The following MGMT variants were observed in gnomAD, a reference collection of about 807,000 sequenced individuals.
MGMT encodes O-6-methylguanine-DNA methyltransferase, also known as methylated-DNA--protein-cysteine methyltransferase.
In MGMT, 14 loss-of-function variants were observed where a neutral mutation model predicts 15.9. The ratio of observed to expected loss-of-function variants is 0.88; its 90% CI spans 0.58 to 1.37. The LOEUF (loss-of-function observed/expected upper bound fraction) is 1.37, where lower values mean the gene tolerates loss of function less well. MGMT is among the 40% of genes most tolerant of loss of function. MGMT has a pLI of 0.00. For missense variants in MGMT, 282 were observed against 268.1 expected (o/e 1.05, Z -0.36); for synonymous variants, 130 against 118.2 (o/e 1.10, Z -0.65).
At chr10:129,509,770 T>G (rs1845662095) in intron 1 of MGMT, among the ~76,000 whole-genome samples, 2 of 152,272 alleles carry the variant, frequency 1.3e-5, no homozygotes, top group South Asian at 4.1e-4. Flanking sequence ...TATGTAATTT[T>G]GTTTTTAATC....
At chr10:129,563,219 T>A (rs1284153273) in intron 2 of MGMT, among the ~76,000 whole-genome samples, 1 of 152,104 alleles carries the variant, frequency 6.6e-6, no homozygotes. Flanking sequence ...GAGGCACATC[T>A]CTGTTTGAGT....
chr10:129,513,907 A>G (rs1443097920), intron 1 of MGMT, among the ~76,000 whole-genome samples: 1 of 152,226 alleles, frequency 6.6e-6, no homozygotes, highest in Non-Finnish European at 1.5e-5. Context: ...TCTTTTCTCT[A>G]AAAAACGTTT....
intron 2 of MGMT, chr10:129,694,171 C>A (rs1177183219): frequency 6.6e-6 from 1 of 152,272 alleles, no homozygotes; most frequent in East Asian, 1.9e-4. Context: ...GCGGGAGGCT[C>A]CCTGTCTTTC....
At chr10:129,623,084 C>T (rs1450449888) in intron 2 of MGMT, among the ~76,000 whole-genome samples, 1 of 152,252 alleles carries the variant, frequency 6.6e-6, no homozygotes. Flanking sequence ...TCCTTCACTA[C>T]TCCTTAGTGG....
chr10:129,644,204 G>C (rs1376346159), intron 2 of MGMT, among the ~76,000 whole-genome samples: 1 of 152,276 alleles, frequency 6.6e-6, no homozygotes, highest in Middle Eastern at 3.4e-3. Context: ...AGCCAGGTCT[G>C]TCTTACTCCC....
At chr10:129,518,973 T>C (rs563909517) in intron 1 of MGMT, among the ~76,000 whole-genome samples, 4 of 139,578 alleles carry the variant, frequency 2.9e-5, no homozygotes, top group Admixed American at 2.8e-4. Flanking sequence ...CTGTCCTGAC[T>C]CTTGGGCCTG....
intron 2 of MGMT, among the ~76,000 whole-genome samples, chr10:129,596,438 G>C (rs758031324): frequency 2.7e-4 from 41 of 152,184 alleles, no homozygotes; most frequent in Non-Finnish European, 5.0e-4. Flanking sequence ...GAATTTATCT[G>C]TTCAGACCCA....
intron 1 of MGMT, among the ~76,000 whole-genome samples, chr10:129,506,123 G>A (rs1287369108): frequency 6.6e-6 from 1 of 151,950 alleles, no homozygotes; most frequent in Non-Finnish European, 1.5e-5. Flanking sequence ...TACAACTGAG[G>A]GGGTGCTGCC....
At chr10:129,573,264 A>C (rs1053516578) in intron 2 of MGMT, among the ~76,000 whole-genome samples, 8 of 152,314 alleles carry the variant, frequency 5.3e-5, no homozygotes, top group African/African-American at 1.9e-4. Flanking sequence ...TTTCAGAATA[A>C]GAAATTCAAC....
In MGMT at chr10:129,667,356, C is replaced by A. The variant is rs142505756; in HGVS notation, c.126-40539C>A. ...TTGTTTTGCTTGTACTTTTTGTTAA[C>A]TGTACATATAATAAATTATGTTATA... On this transcript the variant is annotated intron_variant, in intron 2 of 4. Coordinates refer to ENST00000651593, the MANE Select transcript of MGMT (RefSeq NM_002412.5). Among the ~76,000 whole-genome samples the A allele has an allele frequency of 5.7e-3, 868 of 152,272 alleles. 7 individuals carry two copies. The highest frequency in any genetic ancestry group is 7.7e-3 in the Admixed American group (117 of 15,286).
At chr10:129,499,369 T>C (rs1484330915) in intron 1 of MGMT, among the ~76,000 whole-genome samples, 2 of 152,246 alleles carry the variant, frequency 1.3e-5, no homozygotes, top group East Asian at 1.9e-4. Context: ...GGAAAACTGA[T>C]GGCATGTTTC....
At chr10:129,518,046 G>A (rs568049809) in intron 1 of MGMT, among the ~76,000 whole-genome samples, 4 of 152,186 alleles carry the variant, frequency 2.6e-5, no homozygotes, top group South Asian at 4.1e-4. Flanking sequence ...TCTCTGGGGA[G>A]GGAGCGCTGT....
intron 2 of MGMT, among the ~76,000 whole-genome samples, chr10:129,576,441 A>T (rs909913105): frequency 8.5e-5 from 13 of 152,368 alleles, no homozygotes; most frequent in Middle Eastern, 3.4e-3. Flanking sequence ...AAACCACATG[A>T]TTATCTCAAT....
chr10:129,732,131 GAT>G (rs1227784693), intron 3 of MGMT, among the ~76,000 whole-genome samples: 2 of 149,312 alleles, frequency 1.3e-5, no homozygotes, highest in Non-Finnish European at 3.0e-5. Context: ...CACATTGCCT[GAT>G]ATGTTGTGGG....
chr10:129,473,027 T>C (rs1176538247), intron 1 of MGMT, among the ~76,000 whole-genome samples: 1 of 152,228 alleles, frequency 6.6e-6, no homozygotes, highest in Non-Finnish European at 1.5e-5. Context: ...GGGCTTCATG[T>C]GTGCTCCTAG....
chr10:129,602,268 G>T (rs2133062091), intron 2 of MGMT, among the ~76,000 whole-genome samples: 1 of 152,144 alleles, frequency 6.6e-6, no homozygotes, highest in South Asian at 2.1e-4. Flanking sequence ...TGTTGTGAGT[G>T]TCACTTTACT....
intron 2 of MGMT, among the ~76,000 whole-genome samples, chr10:129,670,802 G>A (rs535747159): frequency 2.0e-5 from 3 of 152,270 alleles, no homozygotes; most frequent in South Asian, 4.1e-4. Flanking sequence ...TCAGGAATTC[G>A]TAACTTAGTT....
At chr10:129,710,743 G>T (rs1564769989) in intron 3 of MGMT, among the ~76,000 whole-genome samples, 1 of 152,162 alleles carries the variant, frequency 6.6e-6, no homozygotes, top group African/African-American at 2.4e-5. Flanking sequence ...TCTTCTAGAG[G>T]AAAAGTCTTT....
chr10:129,747,881 T>A (rs958866071), intron 3 of MGMT, among the ~76,000 whole-genome samples: 16 of 152,212 alleles, frequency 1.1e-4, no homozygotes, highest in African/African-American at 3.9e-4. Context: ...TTGGAATGTT[T>A]TATGCTTTTC....
Sources: allele counts gnomAD v4.1 joint callset (sites outside exome capture counted in the v4.1 genomes callset), GRCh38; gene constraint gnomAD v4.1.1; transcripts MANE v1.5; gene names NCBI Gene and HGNC (gene_info 2026-07-23, HGNC 2026-07-21).